NTRK3: variants seen among roughly 807,000 people sequenced by gnomAD.
NTRK3 encodes the protein neurotrophic receptor tyrosine kinase 3, also known as NT-3 growth factor receptor.
NTRK3 carries 24 observed loss-of-function variants against 91.7 expected under a neutral mutation model. That is an observed-to-expected ratio of 0.26 (90% CI 0.19 to 0.37). The LOEUF (loss-of-function observed/expected upper bound fraction) is 0.37. NTRK3 is among the 10% of genes least tolerant of loss of function. NTRK3 has a pLI of 1.00. For synonymous variants in NTRK3, 483 were observed against 404.0 expected (o/e 1.20, Z -2.34); for missense variants, 880 against 1,068.9 (o/e 0.82, Z 2.46).
chr15:88,112,149 G>A (rs561933828), intron 13 of NTRK3, among the ~76,000 whole-genome samples: 92 of 152,146 alleles, frequency 6.0e-4, no homozygotes, highest in African/African-American at 1.6e-3. Context: ...CTCGTGATCC[G>A]CCCGCCTTGG....
chr15:87,873,133 T>G (rs1359719401), exon 19 of NTRK3: 2 of 232,334 alleles, frequency 8.6e-6, no homozygotes, highest in Non-Finnish European at 1.7e-5. Context: ...AGCACCAAAA[T>G]GACTTGCACT....
chr15:88,045,657 C>T (rs2080107581), intron 13 of NTRK3, among the ~76,000 whole-genome samples: 1 of 152,226 alleles, frequency 6.6e-6, no homozygotes, highest in Non-Finnish European at 1.5e-5. Flanking sequence ...AGTTGGAAAT[C>T]AAGGTACCAG....
At chr15:88,133,743 G>A (rs1314449371) in intron 10 of NTRK3, among the ~76,000 whole-genome samples, 1 of 152,180 alleles carries the variant, frequency 6.6e-6, no homozygotes, top group Non-Finnish European at 1.5e-5. Context: ...TGACCCAGGA[G>A]GGGAAGTGTC....
exon 19 of NTRK3, chr15:87,874,465 G>C (rs1031390509): frequency 4.3e-6 from 1 of 231,772 alleles, no homozygotes; most frequent in Admixed American, 5.6e-5. Context: ...TGATGAATCA[G>C]TGCCCTGAAG....
intron 14 of NTRK3, among the ~76,000 whole-genome samples, chr15:87,966,091 C>G (rs1401718455): frequency 6.6e-6 from 1 of 151,644 alleles, no homozygotes; most frequent in African/African-American, 2.4e-5. Context: ...AACAAACAAA[C>G]AAACAAACAA....
intron 13 of NTRK3, among the ~76,000 whole-genome samples, chr15:88,118,976 C>A (rs1173111249): frequency 6.6e-6 from 1 of 152,158 alleles, no homozygotes; most frequent in Admixed American, 6.5e-5. Flanking sequence ...GATAGAGAGG[C>A]CTGCCAAGAA....
chr15:88,186,000 TA>T (rs1016810934), intron 3 of NTRK3, among the ~76,000 whole-genome samples: 7 of 152,186 alleles, frequency 4.6e-5, no homozygotes, highest in Non-Finnish European at 1.0e-4. Context: ...CTGGAAGCCT[TA>T]CAGCCCCAGG....
chr15:87,914,156 A>G (rs910513366), intron 17 of NTRK3, among the ~76,000 whole-genome samples: 2 of 152,092 alleles, frequency 1.3e-5, no homozygotes, highest in African/African-American at 4.8e-5. Flanking sequence ...TCACATTATG[A>G]TCCAGCTTCC....
At chr15:88,023,940 T>A (rs993583534) in intron 14 of NTRK3, among the ~76,000 whole-genome samples, 1 of 152,220 alleles carries the variant, frequency 6.6e-6, no homozygotes, top group African/African-American at 2.4e-5. Flanking sequence ...CCGTATTTCA[T>A]CTGCAAGTCC....
intron 14 of NTRK3, among the ~76,000 whole-genome samples, chr15:87,952,253 GAGAA>G (rs990030404): frequency 3.4e-5 from 5 of 144,944 alleles, no homozygotes; most frequent in African/African-American, 1.1e-4. Context: ...AAGAAAGAAA[GAGAA>G]AGAAAAGAAG....
chr15:88,243,052 C>T lies in NTRK3; in HGVS notation c.248+12854G>A, dbSNP rs186030652. Among the ~76,000 whole-genome samples the T allele has an allele frequency of 1.5e-3, 223 of 152,304 alleles. 4 individuals carry two copies. Among genetic ancestry groups the T allele is most frequent in the Admixed American group, 0.011 (174 of 15,304 alleles). On this transcript the variant is annotated intron_variant, in intron 3 of 18. Transcript: ENST00000394480. This position sits in a 1 kb window ranked among gnomAD's most constrained non-coding sequence, Gnocchi z 4.8. ...GCAGCTGCAGGCCCTAAAAATTAGG[C>T]CCTTCTTTCCACCCTCTTCCTTCAA...
chr15:88,094,911 T>C (rs1265845745), intron 13 of NTRK3, among the ~76,000 whole-genome samples: 1 of 152,228 alleles, frequency 6.6e-6, no homozygotes, highest in Non-Finnish European at 1.5e-5. Context: ...TGAATCTGAT[T>C]GGCCAAATGT....
chr15:88,109,022 G>A (rs918279132), intron 13 of NTRK3, among the ~76,000 whole-genome samples: 1 of 152,166 alleles, frequency 6.6e-6, no homozygotes, highest in Non-Finnish European at 1.5e-5. Flanking sequence ...CCAACAGAGT[G>A]CCTGGAAATT....
At chr15:87,974,376 T>C (rs559868054) in intron 14 of NTRK3, among the ~76,000 whole-genome samples, 2 of 152,302 alleles carry the variant, frequency 1.3e-5, no homozygotes, top group South Asian at 4.1e-4. Flanking sequence ...GTCTTTGAGG[T>C]GCGTTGAAGA....
intron 8 of NTRK3, 90 bp from the exon 9 acceptor site, chr15:88,136,130 G>A (rs773846404): frequency 6.6e-7 from 1 of 1,516,422 alleles, no homozygotes; most frequent in Non-Finnish European, 9.1e-7. Flanking sequence ...GGAATCAAAA[G>A]GAAAGCTGAG....
intron 13 of NTRK3, among the ~76,000 whole-genome samples, chr15:88,036,182 G>A (rs1191467640): frequency 6.6e-6 from 1 of 152,024 alleles, no homozygotes; most frequent in Non-Finnish European, 1.5e-5. Flanking sequence ...ATGAATGTAT[G>A]TGCACATACA....
At chr15:87,860,365 A>G in exon 19 of NTRK3, 1 of 219,560 alleles carries the variant, frequency 4.6e-6, no homozygotes, top group Non-Finnish European at 9.1e-6. Flanking sequence ...GAGGTTGGGG[A>G]GAAAGGAAGG....
intron 5 of NTRK3, among the ~76,000 whole-genome samples, chr15:88,154,071 A>C (rs899804732): frequency 6.7e-6 from 1 of 150,292 alleles, no homozygotes; most frequent in Admixed American, 6.6e-5. Context: ...GCAAGAAAAG[A>C]GAATTCCCTG....
chr15:88,107,221 T>A (rs1195417268), intron 13 of NTRK3, among the ~76,000 whole-genome samples: 2 of 152,052 alleles, frequency 1.3e-5, no homozygotes, highest in South Asian at 2.1e-4. Flanking sequence ...GGTGAGCAGA[T>A]CGTTTGAGCT....
Sources: allele counts gnomAD v4.1 joint callset (sites outside exome capture counted in the v4.1 genomes callset), GRCh38; gene constraint gnomAD v4.1.1; non-coding constraint Gnocchi (gnomAD v3.1); transcripts MANE v1.5; gene names NCBI Gene and HGNC (gene_info 2026-07-23, HGNC 2026-07-21).